The following PLEKHA5 variants were observed in gnomAD, a reference collection of about 807,000 sequenced individuals.
PLEKHA5 encodes the protein pleckstrin homology domain containing A5, also known as pleckstrin homology domain-containing family A member 5.
A neutral mutation model predicts 181.9 loss-of-function variants in PLEKHA5; 55 were observed. That is an observed-to-expected ratio of 0.30 (90% CI 0.24 to 0.38). The LOEUF is 0.38. PLEKHA5 is among the 10% of genes least tolerant of loss of function. PLEKHA5 has a pLI of 1.00. For missense variants in PLEKHA5, 1,432 were observed against 1,549.5 expected (o/e 0.92, Z 1.27); for synonymous variants, 535 against 529.4 (o/e 1.01, Z -0.15).
At chr12:19,239,859 C>T (rs189504192) in intron 3 of PLEKHA5, among the ~76,000 whole-genome samples, 199 of 152,224 alleles carry the variant, frequency 1.3e-3, no homozygotes, top group Middle Eastern at 3.4e-3. Context: ...AATCCCTAAT[C>T]GGTTTCCCCT....
chr12:19,221,586 G>A (rs2058938892), intron 3 of PLEKHA5, among the ~76,000 whole-genome samples: 1 of 152,098 alleles, frequency 6.6e-6, no homozygotes, highest in Non-Finnish European at 1.5e-5. Flanking sequence ...ACCCATTGAA[G>A]TTTACAACAC....
rs2090358833 is a variant in PLEKHA5, at chr12:19,320,486, C to T, written c.2155-76C>T. ...TATGTTATATATATTTAATATAAAT[C>T]CAAAGTATTAATTAATAGGGTAAAT... is the stretch of plus-strand genomic sequence containing the variant. On this transcript the variant is annotated intron_variant, in intron 17 of 31. Coordinates refer to ENST00000429027, the MANE Select transcript of PLEKHA5 (RefSeq NM_001256470.2). 5 of 660,848 alleles carry T rather than the reference C, an allele frequency of 7.6e-6. No individual in the cohort carries two copies. The South Asian group carries it at 1.0e-4, about 13-fold the overall frequency. 40.9% of individuals were successfully genotyped at this position (660,848 alleles called of 1,614,324 possible).
At chr12:19,284,958 C>T (rs2076920298) in intron 12 of PLEKHA5, among the ~76,000 whole-genome samples, 1 of 152,128 alleles carries the variant, frequency 6.6e-6, no homozygotes, top group Non-Finnish European at 1.5e-5. Flanking sequence ...TAAGTTATTG[C>T]TTTATACTGT....
chr12:19,251,749 A>G (rs1446139441), intron 3 of PLEKHA5, among the ~76,000 whole-genome samples: 1 of 151,162 alleles, frequency 6.6e-6, no homozygotes, highest in Admixed American at 6.6e-5. Context: ...CAAAAAAAAA[A>G]AAAAAAAAAA....
At chr12:19,357,438 G>T (rs1038737379) in intron 26 of PLEKHA5, among the ~76,000 whole-genome samples, 7 of 151,796 alleles carry the variant, frequency 4.6e-5, no homozygotes, top group Admixed American at 1.3e-4. Context: ...TAGAGACAGG[G>T]TTTCGCCATG....
chr12:19,131,207 C>A (rs2033710867), intron 2 of PLEKHA5, among the ~76,000 whole-genome samples: 1 of 152,164 alleles, frequency 6.6e-6, no homozygotes, highest in Admixed American at 6.5e-5. Context: ...GAGCTGGCCT[C>A]TGGGGTACAT....
At chr12:19,343,653 T>C (rs2094113198) in intron 22 of PLEKHA5, among the ~76,000 whole-genome samples, 1 of 152,220 alleles carries the variant, frequency 6.6e-6, no homozygotes, top group Admixed American at 6.5e-5. Flanking sequence ...CATGTGACTG[T>C]ACTGAATACT....
chr12:19,333,177 C>G (rs931188860), intron 20 of PLEKHA5, among the ~76,000 whole-genome samples: 1 of 152,026 alleles, frequency 6.6e-6, no homozygotes, highest in Non-Finnish European at 1.5e-5. Context: ...CCCAACTACT[C>G]GGGAGCCTGA....
At position 19,129,747 on chromosome 12, in the gene PLEKHA5, CG is replaced by C. The variant is rs1329878311; in HGVS notation, c.-51del. On this transcript the variant is annotated 5_prime_UTR_variant, in exon 1 of 32. Coordinates refer to ENST00000429027, the MANE Select transcript of PLEKHA5 (RefSeq NM_001256470.2). Reference sequence around the variant, plus strand: ...TTCGCTCGCTCGTTCCCTCCTCCCTCGGCAGCCGCGGCGGCAGCAGGAGAAG... The same window carrying C: ...TTCGCTCGCTCGTTCCCTCCTCCCTCGCAGCCGCGGCGGCAGCAGGAGAAG... 3.5e-6 allele frequency: 5 copies of C among 1,419,704 alleles called. No individual in the cohort carries two copies. The African/African-American group carries it at 7.3e-5, about 21-fold the overall frequency. The allele number at this position is 1,419,704 out of a possible 1,614,324, so 87.9% of individuals were successfully genotyped here.
intron 3 of PLEKHA5, among the ~76,000 whole-genome samples, chr12:19,178,662 C>T (rs1248992457): frequency 1.3e-5 from 2 of 152,144 alleles, no homozygotes; most frequent in African/African-American, 2.4e-5. Context: ...GAGATCTGTC[C>T]TGGGCAGAAA....
Position 19,130,405 on chromosome 12 carries a change from C to G in PLEKHA5, c.169+275C>G, listed in dbSNP as rs1280924146. ...CCTTCTCCCCCCATCCCAGCCTAGA[C>G]GACCCTCGCGACCCTAGAGTGGCGA... On this transcript the variant is annotated intron_variant, in intron 2 of 31. Transcript: ENST00000429027. The surrounding 1 kb of genome is among the most constrained non-coding windows in gnomAD (Gnocchi z 4.5). Among the ~76,000 whole-genome samples, 2 of 151,844 alleles carry G rather than the reference C, an allele frequency of 1.3e-5. No homozygotes were observed. Among genetic ancestry groups the G allele is most frequent in the African/African-American group, 4.8e-5 (2 of 41,366 alleles).
intron 15 of PLEKHA5, among the ~76,000 whole-genome samples, chr12:19,297,628 C>CAAAAA (rs934426933): frequency 1.6e-5 from 1 of 63,752 alleles, no homozygotes; most frequent in African/African-American, 5.7e-5. Flanking sequence ...GGCTCCGTCT[C>CAAAAA]AAAAAAAAAA....
chr12:19,256,641 C>T (rs1039372748), intron 5 of PLEKHA5, among the ~76,000 whole-genome samples: 6 of 152,088 alleles, frequency 3.9e-5, no homozygotes, highest in Admixed American at 1.3e-4. Flanking sequence ...TTCTTATATA[C>T]TAATAAAAGC....
chr12:19,348,067 G>A (rs1333412443), intron 24 of PLEKHA5, among the ~76,000 whole-genome samples: 1 of 151,890 alleles, frequency 6.6e-6, no homozygotes, highest in African/African-American at 2.4e-5. Context: ...ATTTTTAGTA[G>A]AGACAGGGTT....
intron 3 of PLEKHA5, among the ~76,000 whole-genome samples, chr12:19,210,099 C>A (rs1484523914): frequency 6.6e-6 from 1 of 152,180 alleles, no homozygotes; most frequent in Non-Finnish European, 1.5e-5. Flanking sequence ...ACTACATTGA[C>A]ATGGTTAAAT....
At chr12:19,370,378 ATG>A (rs1340900862) in intron 31 of PLEKHA5, among the ~76,000 whole-genome samples, 2 of 152,232 alleles carry the variant, frequency 1.3e-5, no homozygotes, top group African/African-American at 4.8e-5. Flanking sequence ...TTCTTGAACA[ATG>A]TTCCTTAGAG....
chr12:19,189,817 T>C (rs976552049), intron 3 of PLEKHA5, among the ~76,000 whole-genome samples: 1 of 152,176 alleles, frequency 6.6e-6, no homozygotes, highest in African/African-American at 2.4e-5. Flanking sequence ...AATAACTCCT[T>C]TCTGAAAAAC....
At chr12:19,280,970 C>T (rs1373333445) in intron 11 of PLEKHA5, among the ~76,000 whole-genome samples, 1 of 152,094 alleles carries the variant, frequency 6.6e-6, no homozygotes, top group African/African-American at 2.4e-5. Flanking sequence ...CTCAGCCTCC[C>T]AAAGTACTGG....
At chr12:19,232,051 G>C (rs954391998) in intron 3 of PLEKHA5, among the ~76,000 whole-genome samples, 3 of 152,050 alleles carry the variant, frequency 2.0e-5, no homozygotes, top group African/African-American at 7.2e-5. Flanking sequence ...GGAAGAAATA[G>C]GATTAGTTTT....
Sources: allele counts gnomAD v4.1 joint callset (sites outside exome capture counted in the v4.1 genomes callset), GRCh38; gene constraint gnomAD v4.1.1; non-coding constraint Gnocchi (gnomAD v3.1); transcripts MANE v1.5; gene names NCBI Gene and HGNC (gene_info 2026-07-23, HGNC 2026-07-21).